KDM2B: variants seen among roughly 807,000 people sequenced by gnomAD.
KDM2B encodes the protein lysine-specific demethylase 2B.
KDM2B carries 26 observed loss-of-function variants against 150.0 expected under a neutral mutation model. That is an observed-to-expected ratio of 0.17 (90% confidence interval 0.13 to 0.24). The LOEUF (loss-of-function observed/expected upper bound fraction) is 0.24, where lower values mean the gene tolerates loss of function less well. Among genes scored for constraint, KDM2B ranks in the 10% least tolerant of loss-of-function variants. The pLI is 1.00. For synonymous variants in KDM2B, 734 were observed against 729.5 expected (o/e 1.01, Z -0.10); for missense variants, 1,265 against 1,816.9 (o/e 0.70, Z 5.52).
At position 121,452,997 on chromosome 12, in the gene KDM2B, G is replaced by A; in HGVS notation, c.1959+123C>T. 1 of 877,904 alleles carries A rather than the reference G, an allele frequency of 1.1e-6. No individual in the cohort carries two copies. 54.4% of individuals were successfully genotyped at this position (877,904 alleles called of 1,614,324 possible). On this transcript the variant is annotated intron_variant, in intron 13 of 22. Transcript: ENST00000377071. This position sits in a 1 kb window ranked among gnomAD's most constrained non-coding sequence, Gnocchi z 4.4. ...TTCCCGTCCACAGGAAGAGCTCTCG[G>A]GGAGTCCACAGCCCCGGCTTCTCTG...
chr12:121,439,405 A>C (rs1288802402), intron 22 of KDM2B, among the ~76,000 whole-genome samples: 1 of 140,118 alleles, frequency 7.1e-6, no homozygotes, highest in Non-Finnish European at 1.5e-5. Flanking sequence ...TTTTTGAGAC[A>C]GTTTTGGTCT....
At chr12:121,464,902 G>A (rs1205169699) in intron 12 of KDM2B, among the ~76,000 whole-genome samples, 1 of 152,182 alleles carries the variant, frequency 6.6e-6, no homozygotes, top group Middle Eastern at 3.2e-3. Flanking sequence ...GGTCCTCAGA[G>A]GAAGCCACTC....
At chr12:121,577,234 C>T (rs1891558803) in intron 2 of KDM2B, among the ~76,000 whole-genome samples, 1 of 152,040 alleles carries the variant, frequency 6.6e-6, no homozygotes, top group African/African-American at 2.4e-5. Flanking sequence ...GCACCCCATC[C>T]CCCAGGGTCA....
chr12:121,454,191 C>T (rs58609847), intron 12 of KDM2B, among the ~76,000 whole-genome samples: 47,712 of 152,096 alleles, frequency 0.31, 8,968 homozygotes, highest in Non-Finnish European at 0.39. Flanking sequence ...CCCTTTGAGA[C>T]GGGGCACAGG....
In KDM2B at chr12:121,429,691, T is replaced by C. The variant is rs1872719055; in HGVS notation, c.*597A>G. 2 of 353,732 alleles carry C rather than the reference T, an allele frequency of 5.7e-6. No individual in the cohort carries two copies. The highest frequency in any genetic ancestry group is 2.1e-5 in the African/African-American group (1 of 48,254). 21.9% of individuals were successfully genotyped at this position (353,732 alleles called of 1,614,324 possible). A position where few individuals can be genotyped will look rare whatever the true frequency, so the allele number is the denominator to read the frequency against. Reference sequence around the variant, plus strand: ...CACATTTGTAGATGGGTTGTGTCGATGAAGTACACGTTAAATTCTCTCCTA... The same window carrying C: ...CACATTTGTAGATGGGTTGTGTCGACGAAGTACACGTTAAATTCTCTCCTA... On this transcript the variant is annotated 3_prime_UTR_variant, in exon 23 of 23. Coordinates refer to ENST00000377071, the MANE Select transcript of KDM2B (RefSeq NM_032590.5).
chr12:121,509,688 AGATG>A lies in KDM2B; in HGVS notation c.1522_1525del (p.His508SerfsTer6). The A allele has an allele frequency of 6.2e-7, 1 of 1,614,050 alleles. No homozygotes were observed. Among genetic ancestry groups the A allele is most frequent in the Non-Finnish European group, 8.5e-7 (1 of 1,180,016 alleles). ...CAGGCCCTTCAGTTCAAACTCAGTG[AGATG>A]GGTCCATTTGGCAGAGACCTCCGTG... On this transcript the variant is annotated frameshift_variant, in exon 11 of 23. Coordinates refer to ENST00000377071, the MANE Select transcript of KDM2B (RefSeq NM_032590.5). LOFTEE classifies it high-confidence loss of function.
chr12:121,503,679 GA>G (rs1244410247), intron 11 of KDM2B, among the ~76,000 whole-genome samples: 1 of 152,228 alleles, frequency 6.6e-6, no homozygotes, highest in African/African-American at 2.4e-5. Flanking sequence ...GGGAAGGAAA[GA>G]GAAAGGGCAG....
At chr12:121,423,816 GAACACTCAT>G in the KDM2B span, 1 of 469,062 alleles carries the variant, frequency 2.1e-6, no homozygotes, top group Admixed American at 3.8e-5. This position sits in a 1 kb window ranked among gnomAD's most constrained non-coding sequence, Gnocchi z 4.3. Context: ...CACATCCCGT[GAACACTCAT>G]TGAAGTCAGC....
chr12:121,496,302 G>A (rs1365451840), intron 11 of KDM2B, among the ~76,000 whole-genome samples: 4 of 152,026 alleles, frequency 2.6e-5, no homozygotes, highest in Non-Finnish European at 4.4e-5. Context: ...CCTGGACCAC[G>A]GATTGTTGAA....
chr12:121,450,971 A>G (rs781789116), intron 13 of KDM2B, among the ~76,000 whole-genome samples: 9 of 152,190 alleles, frequency 5.9e-5, no homozygotes, highest in Non-Finnish European at 1.2e-4. Flanking sequence ...TTAAAAATAG[A>G]ATCGTCATAT....
At chr12:121,573,070 C>G (rs555636533) in intron 4 of KDM2B, among the ~76,000 whole-genome samples, 32 of 151,690 alleles carry the variant, frequency 2.1e-4, no homozygotes, top group Non-Finnish European at 3.7e-4. Context: ...GTGATCCTCC[C>G]GCCTCAGCCT....
intron 11 of KDM2B, among the ~76,000 whole-genome samples, chr12:121,499,560 G>A (rs782466986): frequency 6.6e-6 from 1 of 152,066 alleles, no homozygotes; most frequent in African/African-American, 2.4e-5. Flanking sequence ...ATTGAGGTGG[G>A]AGGATTGCTT....
intron 12 of KDM2B, among the ~76,000 whole-genome samples, chr12:121,464,049 C>T (rs887942483): frequency 1.3e-5 from 2 of 151,744 alleles, no homozygotes; most frequent in Admixed American, 1.3e-4. Flanking sequence ...CATATCAAGA[C>T]CCCATCTCTA....
intron 13 of KDM2B, among the ~76,000 whole-genome samples, chr12:121,451,111 C>A (rs782448092): frequency 2.0e-5 from 3 of 151,920 alleles, no homozygotes; most frequent in Admixed American, 6.6e-5. Context: ...TCTCCTGCCC[C>A]CCCCTTCTAC....
At chr12:121,422,518 G>A in the KDM2B span, among the ~76,000 whole-genome samples, 4,818 of 152,240 alleles carry the variant, frequency 0.032, 270 homozygotes, top group African/African-American at 0.11. Flanking sequence ...ACCAGTAGTC[G>A]TGGGCCATGA....
At chr12:121,458,981 G>A (rs1480227230) in intron 12 of KDM2B, among the ~76,000 whole-genome samples, 1 of 151,608 alleles carries the variant, frequency 6.6e-6, no homozygotes, top group Non-Finnish European at 1.5e-5. Context: ...AGCTACTCAG[G>A]AGGCTGAGGC....
the KDM2B span, chr12:121,417,755 G>A: frequency 6.2e-7 from 1 of 1,614,048 alleles, no homozygotes; most frequent in Non-Finnish European, 8.5e-7. This position sits in a 1 kb window ranked among gnomAD's most constrained non-coding sequence, Gnocchi z 5.0. Flanking sequence ...AGGACGACAT[G>A]GACACAAGCA....
At chr12:121,436,722 G>A (rs1265672640) in intron 22 of KDM2B, among the ~76,000 whole-genome samples, 1 of 152,188 alleles carries the variant, frequency 6.6e-6, no homozygotes, top group Non-Finnish European at 1.5e-5. Flanking sequence ...AACGGCTTCT[G>A]TGAGTGTTCA....
Position 121,575,761 on chromosome 12 carries a change from G to A in KDM2B, c.350+20C>T, listed in dbSNP as rs1891458361. ...TAGGGAGGAAGACGGGGGAAGGAGT[G>A]ATTAGTTTCAGCAACTTACTTAATT... On this transcript the variant is annotated intron_variant, in intron 3 of 22. Transcript: ENST00000377071. This position sits in a 1 kb window ranked among gnomAD's most constrained non-coding sequence, Gnocchi z 4.4. 1 of 1,553,248 alleles carries A rather than the reference G, an allele frequency of 6.4e-7. No homozygotes were observed. Among genetic ancestry groups the A allele is most frequent in the African/African-American group, 1.4e-5 (1 of 73,698 alleles).
Sources: allele counts gnomAD v4.1 joint callset (sites outside exome capture counted in the v4.1 genomes callset), GRCh38; gene constraint gnomAD v4.1.1; non-coding constraint Gnocchi (gnomAD v3.1); transcripts MANE v1.5; gene names NCBI Gene and HGNC (gene_info 2026-07-23, HGNC 2026-07-21).